The following AKAP10 variants were observed in gnomAD, a reference collection of about 807,000 sequenced individuals.
AKAP10 encodes the protein A-kinase anchoring protein 10.
Under a neutral mutation model 80.8 loss-of-function variants are expected in AKAP10, and 24 were observed. That is an observed-to-expected ratio of 0.30 (90% confidence interval 0.22 to 0.42). The LOEUF is 0.42. Ranked by LOEUF, AKAP10 falls within the 10% of genes least tolerant of loss-of-function variation. The pLI, the probability that AKAP10 is intolerant of heterozygous loss-of-function variation, is 1.00. For synonymous variants in AKAP10, 291 were observed against 277.7 expected (o/e 1.05, Z -0.48); for missense variants, 661 against 794.9 (o/e 0.83, Z 2.03).
At chr17:19,974,319 T>G (rs1352240256) in intron 1 of AKAP10, among the ~76,000 whole-genome samples, 1 of 152,224 alleles carries the variant, frequency 6.6e-6, no homozygotes, top group Non-Finnish European at 1.5e-5. Context: ...GGATTAAGCT[T>G]GTCCATCCCG....
At chr17:19,918,278 G>A (rs1304985841) in intron 12 of AKAP10, among the ~76,000 whole-genome samples, 1 of 151,434 alleles carries the variant, frequency 6.6e-6, no homozygotes, top group Non-Finnish European at 1.5e-5. Context: ...GGTGAATCAT[G>A]CCTGTAATCC....
At chr17:19,976,588 C>G (rs954445568) in intron 1 of AKAP10, among the ~76,000 whole-genome samples, 1 of 151,810 alleles carries the variant, frequency 6.6e-6, no homozygotes, top group Non-Finnish European at 1.5e-5. Context: ...GGTGCTATCT[C>G]GGCTCACCGC....
At chr17:19,970,317 C>A (rs1485909614) in intron 1 of AKAP10, among the ~76,000 whole-genome samples, 2 of 152,162 alleles carry the variant, frequency 1.3e-5, no homozygotes, top group African/African-American at 4.8e-5. Context: ...CCAAAACAAA[C>A]CACCACGGTT....
intron 9 of AKAP10, chr17:19,935,867 G>A (rs1322602456): frequency 6.5e-6 from 1 of 152,710 alleles, no homozygotes; most frequent in East Asian, 1.9e-4. Flanking sequence ...TAAGTAGAAG[G>A]AGCACTCTAA....
At chr17:19,948,667 T>C (rs1195013104) in intron 4 of AKAP10, among the ~76,000 whole-genome samples, 1 of 152,088 alleles carries the variant, frequency 6.6e-6, no homozygotes, top group East Asian at 1.9e-4. Context: ...GGGAGGTTCT[T>C]AGAAGGCAGA....
At chr17:19,920,854 TC>T (rs1567753842) in intron 11 of AKAP10, among the ~76,000 whole-genome samples, 1 of 12,546 alleles carries the variant, frequency 8.0e-5, no homozygotes, top group African/African-American at 5.6e-4. Flanking sequence ...AGACTCTATC[TC>T]AAAAAAAAAA....
At chr17:19,957,532 C>T (rs2043293136) in intron 4 of AKAP10, among the ~76,000 whole-genome samples, 1 of 120,018 alleles carries the variant, frequency 8.3e-6, no homozygotes, top group African/African-American at 3.7e-5. Flanking sequence ...AAGACTCCAT[C>T]TCAAAAAAAA....
At chr17:19,943,159 G>A (rs1207996867) in intron 5 of AKAP10, among the ~76,000 whole-genome samples, 1 of 152,176 alleles carries the variant, frequency 6.6e-6, no homozygotes, top group Non-Finnish European at 1.5e-5. Context: ...AAAGTGCTGG[G>A]ATTACAGGCC....
intron 5 of AKAP10, among the ~76,000 whole-genome samples, chr17:19,944,313 C>T (rs1451276392): frequency 6.6e-6 from 1 of 152,176 alleles, no homozygotes; most frequent in Non-Finnish European, 1.5e-5. Flanking sequence ...TGCCTCATTC[C>T]TATCAGCTGT....
chr17:19,912,484 C>T (rs1026636919), intron 12 of AKAP10, among the ~76,000 whole-genome samples: 5 of 152,160 alleles, frequency 3.3e-5, no homozygotes, highest in African/African-American at 1.2e-4. Flanking sequence ...TTTGAGTGAG[C>T]CAACATCGCA....
At chr17:19,973,258 A>C (rs2043522669) in intron 1 of AKAP10, among the ~76,000 whole-genome samples, 1 of 152,186 alleles carries the variant, frequency 6.6e-6, no homozygotes, top group South Asian at 2.1e-4. Flanking sequence ...GGCCATGCCT[A>C]AACTGGCCCA....
intron 4 of AKAP10, among the ~76,000 whole-genome samples, chr17:19,952,681 CA>C (rs960131974): frequency 1.9e-4 from 29 of 151,896 alleles, no homozygotes; most frequent in African/African-American, 6.8e-4. Context: ...GGAAAATTAC[CA>C]TAAAGAGGGA....
At chr17:19,919,212 T>C (rs887767222) in intron 12 of AKAP10, among the ~76,000 whole-genome samples, 3 of 152,126 alleles carry the variant, frequency 2.0e-5, no homozygotes, top group Non-Finnish European at 2.9e-5. Flanking sequence ...TTGCTCAGAA[T>C]GATGGTTTCC....
In AKAP10 at chr17:19,905,500, C is replaced by T. The variant is rs866606493; in HGVS notation, c.*727G>A. The T allele has an allele frequency of 1.4e-4, 22 of 152,412 alleles. No individual in the cohort carries two copies. Among genetic ancestry groups the T allele is most frequent in the African/African-American group, 5.3e-4 (22 of 41,402 alleles). The allele number at this position is 152,412 out of a possible 1,614,324, so 9.4% of individuals were successfully genotyped here. ...GTGCAGAATTCCAAAGGGGCAAATC[C>T]TAATGCTCAAAGTAAACCAGATTCA... On this transcript the variant is annotated 3_prime_UTR_variant, in exon 15 of 15. Coordinates refer to ENST00000225737, the MANE Select transcript of AKAP10 (RefSeq NM_007202.4).
intron 4 of AKAP10, among the ~76,000 whole-genome samples, chr17:19,951,203 G>A (rs1305208552): frequency 4.2e-4 from 43 of 101,336 alleles, no homozygotes; most frequent in Non-Finnish European, 4.6e-4. Context: ...GCCCCCGCCC[G>A]GCCAGCCGCC....
At chr17:19,924,715 T>G (rs1300642868) in intron 10 of AKAP10, among the ~76,000 whole-genome samples, 198 bp from the exon 11 acceptor site, 1 of 152,096 alleles carries the variant, frequency 6.6e-6, no homozygotes, top group Non-Finnish European at 1.5e-5. Flanking sequence ...AGCACAATAT[T>G]AAAATGTACA....
At chr17:19,965,779 A>G (rs1042463036) in intron 2 of AKAP10, among the ~76,000 whole-genome samples, 1 of 152,102 alleles carries the variant, frequency 6.6e-6, no homozygotes, top group Non-Finnish European at 1.5e-5. Flanking sequence ...ACTGAAGGCT[A>G]TGTTAAAACT....
At chr17:19,946,265 ATATATATATATT>A (rs2043124860) in intron 5 of AKAP10, among the ~76,000 whole-genome samples, 3 of 27,436 alleles carry the variant, frequency 1.1e-4, no homozygotes, top group East Asian at 1.2e-3. Context: ...ATATATATAT[ATATATATATATT>A]TTTTTTTTTT....
At position 19,963,317 on chromosome 17, in the gene AKAP10, G is replaced by C. The variant is rs1297315674; in HGVS notation, c.137-295C>G. On this transcript the variant is annotated intron_variant, in intron 2 of 14. Coordinates refer to ENST00000225737, the MANE Select transcript of AKAP10 (RefSeq NM_007202.4). Reference sequence around the variant, plus strand: ...TGCAACCTCTGCCTCCCATGTTCAAGTGATTCTCCTGCCTCAGCCTCCCAA... The same window carrying C: ...TGCAACCTCTGCCTCCCATGTTCAACTGATTCTCCTGCCTCAGCCTCCCAA... 4.7e-5 allele frequency among the ~76,000 whole-genome samples: 7 copies of C among 148,730 alleles called. No individual in the cohort carries two copies. In the East Asian group the frequency reaches 1.4e-3, roughly 30 times the overall value.
Sources: allele counts gnomAD v4.1 joint callset (sites outside exome capture counted in the v4.1 genomes callset), GRCh38; gene constraint gnomAD v4.1.1; transcripts MANE v1.5; gene names NCBI Gene and HGNC (gene_info 2026-07-23, HGNC 2026-07-21).